MRPL48: variants seen among roughly 807,000 people sequenced by gnomAD.
MRPL48 encodes large ribosomal subunit protein mL48.
MRPL48 carries 16 observed loss-of-function variants against 32.9 expected under a neutral mutation model. The ratio of observed to expected loss-of-function variants is 0.49; its 90% CI spans 0.33 to 0.74. The LOEUF (loss-of-function observed/expected upper bound fraction) is 0.74. Among genes scored for constraint, MRPL48 ranks in the 30% least tolerant of loss-of-function variants. MRPL48 has a pLI of 0.02. For synonymous variants in MRPL48, 94 were observed against 89.2 expected, an observed-to-expected ratio of 1.05 and a Z score of -0.31; for missense variants, 206 against 245.3, an observed-to-expected ratio of 0.84 and a Z score of 1.07.
chr11:73,812,721 T>TAC, intron 3 of MRPL48, among the ~76,000 whole-genome samples: 1 of 131,502 alleles, frequency 7.6e-6, no homozygotes, highest in East Asian at 2.1e-4. Context: ...TGTCTAAATA[T>TAC]ATATATATAT....
At chr11:73,808,136 G>A (rs763939185) in intron 2 of MRPL48, among the ~76,000 whole-genome samples, 177 bp from the exon 3 acceptor site, 3 of 152,282 alleles carry the variant, frequency 2.0e-5, no homozygotes, top group Middle Eastern at 3.4e-3. Flanking sequence ...GCATTCTCAG[G>A]ATGTGGCACT....
At chr11:73,825,634 A>G in intron 3 of MRPL48, 74 bp from the exon 4 acceptor site, 1 of 1,318,122 alleles carries the variant, frequency 7.6e-7, no homozygotes, top group Non-Finnish European at 1.1e-6. Flanking sequence ...TGACAGAGCA[A>G]GACCCTGTCT....
At chr11:73,808,599 G>A (rs1947502841) in intron 3 of MRPL48, among the ~76,000 whole-genome samples, 1 of 152,160 alleles carries the variant, frequency 6.6e-6, no homozygotes, top group South Asian at 2.1e-4. Context: ...CTATTTCTCT[G>A]TAGCTTGGTT....
In MRPL48 at chr11:73,788,010, C is replaced by T; in HGVS notation, c.21+18C>T. ...TGGAAAAGGTAACGTAGATTCCACG[C>T]ACGCGGGGCGCGGGGAGATGGCGGA... On this transcript the variant is annotated intron_variant, in intron 1 of 7. Coordinates refer to ENST00000310614, the MANE Select transcript of MRPL48 (RefSeq NM_016055.6). The T allele has an allele frequency of 6.5e-7, 1 of 1,539,242 alleles. No homozygotes were observed. The highest frequency in any genetic ancestry group is 1.1e-5 in the South Asian group (1 of 89,658).
chr11:73,845,080 ACT>A (rs1948265683), intron 5 of MRPL48, 104 bp downstream of exon 5: 3 of 1,182,586 alleles, frequency 2.5e-6, no homozygotes, highest in South Asian at 3.7e-5. Context: ...AGTAAAATTA[ACT>A]CTTTTTAGTT....
rs79605885 is a variant in MRPL48, at chr11:73,805,109, T to A, written c.74+30T>A. ...GAATATTAAAAACAATAATTAAATA[T>A]AGGTAACATTTGCCTTTGGCTTCAT... On this transcript the variant is annotated intron_variant, in intron 2 of 7. Coordinates refer to ENST00000310614, the MANE Select transcript of MRPL48 (RefSeq NM_016055.6). 2.6e-5 allele frequency: 39 copies of A among 1,526,424 alleles called. No homozygotes were observed. In the East Asian group the frequency reaches 9.1e-4, roughly 35 times the overall value. The allele number at this position is 1,526,424 out of a possible 1,614,324, so 94.6% of individuals were successfully genotyped here.
chr11:73,826,076 G>A (rs1396215621), intron 4 of MRPL48, among the ~76,000 whole-genome samples: 3 of 151,886 alleles, frequency 2.0e-5, no homozygotes, highest in African/African-American at 7.3e-5. Context: ...GGAGTGCAGT[G>A]CATGATCACG....
chr11:73,864,404 T>C lies in MRPL48; in HGVS notation c.*34T>C. 1.2e-6 allele frequency: 2 copies of C among 1,607,048 alleles called. No individual in the cohort carries two copies. The highest frequency in any genetic ancestry group is 1.7e-6 in the Non-Finnish European group (2 of 1,174,930). ...GACCCTTTCATGCCAGCAGTGGTCATATTGAGTGCCAAAGAGAAGAGCTTA... is the reference window on the plus strand; with the variant it reads ...GACCCTTTCATGCCAGCAGTGGTCACATTGAGTGCCAAAGAGAAGAGCTTA... On this transcript the variant is annotated 3_prime_UTR_variant, in exon 8 of 8. Transcript: ENST00000310614.
intron 4 of MRPL48, among the ~76,000 whole-genome samples, chr11:73,828,684 G>A (rs7941476): frequency 0.055 from 8,363 of 151,842 alleles, 253 homozygotes; most frequent in Middle Eastern, 0.11. Context: ...GGAAGGAATG[G>A]TTTACTTTTT....
At chr11:73,826,284 C>T (rs1947888199) in intron 4 of MRPL48, among the ~76,000 whole-genome samples, 1 of 151,936 alleles carries the variant, frequency 6.6e-6, no homozygotes, top group South Asian at 2.1e-4. Flanking sequence ...CCTCCGGAAG[C>T]ATAGGGATTA....
chr11:73,825,788 G>T lies in MRPL48; in HGVS notation c.193G>T (p.Ala65Ser), dbSNP rs1276159604. Residue 65 changes from alanine to serine, a missense_variant, in exon 4 of 8, where the codon GCA becomes TCA. Physicochemically the swap from Ala to Ser is moderately conservative, Grantham distance 99 (BLOSUM62 1). Coordinates refer to ENST00000310614, the MANE Select transcript of MRPL48 (RefSeq NM_016055.6). ...TGGAAAGTACAAGCACTTAATTAAA[G>T]CAGAAGAGGTAACGGGCAGGGGGAG... ...GIGKYKHLIKAEEPKKKKGKV... is the reference protein window; with the variant it reads ...GIGKYKHLIKSEEPKKKKGKV... The T allele has an allele frequency of 1.3e-6, 2 of 1,562,826 alleles. No homozygotes were observed. Among genetic ancestry groups the T allele is most frequent in the Non-Finnish European group, 1.7e-6 (2 of 1,153,576 alleles).
Position 73,862,318 on chromosome 11 carries a change from A to T in MRPL48, c.475-854A>T, listed in dbSNP as rs190047338. 9.2e-3 allele frequency among the ~76,000 whole-genome samples: 1,398 copies of T among 152,338 alleles called. 34 individuals are homozygous for T. The highest frequency in any genetic ancestry group is 8.7e-3 in the Non-Finnish European group (595 of 68,018). ...ATGCCTGTAATCCCAGCTACTCAGG[A>T]GGCTGAGGCAGGAGAATCGCTTGAA... is the stretch of plus-strand genomic sequence containing the variant. On this transcript the variant is annotated intron_variant, in intron 6 of 7. Transcript: ENST00000310614.
At chr11:73,846,154 A>C (rs1385667930) in intron 5 of MRPL48, among the ~76,000 whole-genome samples, 1 of 151,750 alleles carries the variant, frequency 6.6e-6, no homozygotes, top group East Asian at 1.9e-4. Context: ...TCCTCCCCTA[A>C]GCTCCTGGTA....
intron 5 of MRPL48, among the ~76,000 whole-genome samples, chr11:73,846,169 C>T (rs1396128617): frequency 1.3e-5 from 2 of 151,890 alleles, no homozygotes; most frequent in Non-Finnish European, 2.9e-5. Context: ...CTGGTAACTA[C>T]CCTTCTACTT....
intron 5 of MRPL48, among the ~76,000 whole-genome samples, chr11:73,846,060 C>T (rs12795484): frequency 1 from 132,840 of 132,864 alleles, 66,408 homozygotes; most frequent in Middle Eastern, 1. Context: ...AGAGCAAGAC[C>T]CTGTCTCAAA....
intron 3 of MRPL48, among the ~76,000 whole-genome samples, chr11:73,820,744 A>G (rs1424362798): frequency 6.6e-6 from 1 of 151,744 alleles, no homozygotes; most frequent in Non-Finnish European, 1.5e-5. Flanking sequence ...TGGATAATAT[A>G]TATATATACA....
At chr11:73,816,101 G>A (rs1289333025) in intron 3 of MRPL48, among the ~76,000 whole-genome samples, 8 of 150,640 alleles carry the variant, frequency 5.3e-5, no homozygotes, top group Admixed American at 3.3e-4. Context: ...TTGCTCTGTC[G>A]CCCAGGCTGG....
intron 3 of MRPL48, among the ~76,000 whole-genome samples, chr11:73,812,551 G>A (rs1379582701): frequency 2.0e-5 from 3 of 151,590 alleles, no homozygotes; most frequent in African/African-American, 7.3e-5. Flanking sequence ...AACATTTACT[G>A]TTAGCTGGAA....
At chr11:73,829,393 G>T (rs1340377909) in intron 4 of MRPL48, among the ~76,000 whole-genome samples, 1 of 151,376 alleles carries the variant, frequency 6.6e-6, no homozygotes, top group East Asian at 1.9e-4. Context: ...TTGAGACATG[G>T]TCTCACTCTG....
Sources: allele counts gnomAD v4.1 joint callset (sites outside exome capture counted in the v4.1 genomes callset), GRCh38; gene constraint gnomAD v4.1.1; transcripts MANE v1.5; gene names NCBI Gene and HGNC (gene_info 2026-07-23, HGNC 2026-07-21).